BTBD1: variants seen among roughly 807,000 people sequenced by gnomAD.
The protein encoded by BTBD1 is BTB domain containing 1, also known as BTB/POZ domain-containing protein 1.
BTBD1 carries 34 observed loss-of-function variants against 48.0 expected under a neutral mutation model. The observed-to-expected ratio is 0.71, with a 90% CI of 0.54 to 0.94. The LOEUF (loss-of-function observed/expected upper bound fraction) is 0.94. BTBD1 is among the 40% of genes least tolerant of loss of function. The probability of loss-of-function intolerance (pLI) is 0.00; values close to 1 mark genes in which losing one functional copy is unlikely to be tolerated. For missense variants in BTBD1, 543 were observed against 625.6 expected (o/e 0.87, Z 1.41); for synonymous variants, 261 against 242.1 (o/e 1.08, Z -0.72).
intron 5 of BTBD1, chr15:83,024,180 G>A (rs1378985777): frequency 6.6e-6 from 1 of 152,004 alleles, no homozygotes; most frequent in African/African-American, 2.4e-5. Context: ...CTATTTATTT[G>A]ATTATTAATG....
chr15:83,031,316 T>C (rs972372021), intron 4 of BTBD1, among the ~76,000 whole-genome samples: 14 of 152,232 alleles, frequency 9.2e-5, no homozygotes, highest in African/African-American at 2.9e-4. Context: ...GTTGGCTGCA[T>C]AAATGTCTTC....
At chr15:83,041,276 G>A (rs1380597550) in intron 4 of BTBD1, among the ~76,000 whole-genome samples, 2 of 151,806 alleles carry the variant, frequency 1.3e-5, no homozygotes, top group Non-Finnish European at 2.9e-5. Flanking sequence ...AATTTTGAAG[G>A]GCTTAAAATC....
At position 83,030,157 on chromosome 15, in the gene BTBD1, C is replaced by T. The variant is rs1403955530; in HGVS notation, c.1034G>A (p.Ser345Asn). 1 of 1,614,014 alleles carries T rather than the reference C, an allele frequency of 6.2e-7. No homozygotes were observed. The highest frequency in any genetic ancestry group is 8.5e-7 in the Non-Finnish European group (1 of 1,180,028). ...ATACCTGATTCGATCACTCGTCCCA[C>T]TGTAACCCCAGCGGCTTTCTACTTG... ...FQQVESRWGYSGTSDRIRFTV... is the reference protein window; with the variant it reads ...FQQVESRWGYNGTSDRIRFTV... Residue 345 changes from serine (S) to asparagine (N), a missense_variant, in exon 5 of 8, where the codon AGT becomes AAT. This residue lies in a region of BTBD1 where 300 missense variants were observed against 350.0 expected (regional missense o/e 0.86). Transcript: ENST00000261721.
chr15:83,054,407 A>T (rs1362378119), intron 2 of BTBD1, among the ~76,000 whole-genome samples: 3 of 152,154 alleles, frequency 2.0e-5, no homozygotes, highest in Non-Finnish European at 2.9e-5. Context: ...GTGAGGAGTA[A>T]GTGCCATAAT....
At chr15:83,027,829 G>A (rs949971430) in intron 5 of BTBD1, among the ~76,000 whole-genome samples, 12 of 152,194 alleles carry the variant, frequency 7.9e-5, no homozygotes, top group African/African-American at 2.9e-4. Flanking sequence ...TAACACGCCT[G>A]TACTGTGCAG....
chr15:83,062,052 A>T lies in BTBD1; in HGVS notation c.401+4699T>A, dbSNP rs574133755. Among the ~76,000 whole-genome samples, 4 of 152,348 alleles carry T rather than the reference A, an allele frequency of 2.6e-5. No homozygotes were observed. The South Asian group carries it at 6.2e-4, about 24-fold the overall frequency. ...ACAAAGGTAAGGAGGCCTTAGAAGC[A>T]GGCACTAAAACAAGAAAAAGGCCAT... On this transcript the variant is annotated intron_variant, in intron 1 of 7. Coordinates refer to ENST00000261721, the MANE Select transcript of BTBD1 (RefSeq NM_025238.4).
chr15:83,039,646 C>T (rs1184161726), intron 4 of BTBD1, among the ~76,000 whole-genome samples: 2 of 151,582 alleles, frequency 1.3e-5, no homozygotes, highest in South Asian at 2.1e-4. Context: ...TGGTGGCGGG[C>T]GGGCGTATGT....
intron 4 of BTBD1, among the ~76,000 whole-genome samples, chr15:83,032,718 G>A (rs1342338587): frequency 6.6e-6 from 1 of 152,038 alleles, no homozygotes; most frequent in Admixed American, 6.6e-5. Flanking sequence ...AATGAACTTT[G>A]GGGACTTGGG....
Position 83,019,761 on chromosome 15 carries a change from AT to A in BTBD1, c.1144-909del, listed in dbSNP as rs572151026. On this transcript the variant is annotated intron_variant, in intron 6 of 7. Coordinates refer to ENST00000261721, the MANE Select transcript of BTBD1 (RefSeq NM_025238.4). The stretch of plus-strand genomic sequence containing the variant: ...AGGCATGCACCACCATGCCCAGCTA[AT>A]TTTTTTGTATTTTTAGTAGAGACAG... Among the ~76,000 whole-genome samples the A allele has an allele frequency of 4.7e-5, 7 of 150,336 alleles. No homozygotes were observed. The South Asian group carries it at 1.5e-3, about 32-fold the overall frequency.
chr15:83,035,214 A>AC (rs2032601860), intron 4 of BTBD1, among the ~76,000 whole-genome samples: 1 of 152,094 alleles, frequency 6.6e-6, no homozygotes, highest in South Asian at 2.1e-4. Context: ...GAATCGTTGG[A>AC]CCCCAGGAGG....
chr15:83,022,760 G>A (rs765762007), intron 5 of BTBD1, among the ~76,000 whole-genome samples: 43 of 151,898 alleles, frequency 2.8e-4, no homozygotes, highest in Admixed American at 1.4e-3. Context: ...TCAGGGGATC[G>A]AGACCATTCT....
In BTBD1 at chr15:83,067,015, T is replaced by C; in HGVS notation, c.137A>G (p.Tyr46Cys). ...CGACGCCTTGGTCGCCTGCCAGTTG[T>C]AGAGAGGTTCCCGCTGCAGGGGGAG... Reference protein sequence around the residue: ...PLLPLQREPLYNWQATKASLK... With the variant: ...PLLPLQREPLCNWQATKASLK... The change falls in exon 1 of 8, where the codon TAC becomes TGC. Residue 46 changes from tyrosine to cysteine, a missense_variant. This residue lies in a region of BTBD1 where 173 missense variants were observed against 163.9 expected (regional missense o/e 1.06). Transcript: ENST00000261721. The C allele has an allele frequency of 6.3e-7, 1 of 1,584,264 alleles. No individual in the cohort carries two copies.
Position 83,016,429 on chromosome 15 carries a change from T to TTTA in BTBD1, c.*1637_*1638insTAA, listed in dbSNP as rs1555437703. 6.6e-6 allele frequency: 1 copy of TTTA among 150,682 alleles called. No individual in the cohort carries two copies. Among genetic ancestry groups the TTTA allele is most frequent in the Admixed American group, 6.6e-5 (1 of 15,138 alleles). 9.3% of individuals were successfully genotyped at this position (150,682 alleles called of 1,614,324 possible). On this transcript the variant is annotated 3_prime_UTR_variant, in exon 8 of 8. Transcript: ENST00000261721. ...GGCAAATGACATAAAAGAGTTTTTT[T>TTTA]TATATATATATATATTTATTTATTT... is the stretch of plus-strand genomic sequence containing the variant.
intron 1 of BTBD1, among the ~76,000 whole-genome samples, chr15:83,064,355 AAC>A (rs1409098268): frequency 2.6e-5 from 4 of 152,214 alleles, no homozygotes; most frequent in African/African-American, 9.6e-5. Context: ...AGGAAAATAA[AAC>A]ACACTGAAAA....
chr15:83,059,293 C>G (rs1237277375), intron 1 of BTBD1, among the ~76,000 whole-genome samples: 1 of 152,184 alleles, frequency 6.6e-6, no homozygotes, highest in Non-Finnish European at 1.5e-5. Context: ...CGCCTGTAAT[C>G]CCAGCACTTT....
Position 83,017,877 on chromosome 15 carries a change from A to C in BTBD1, c.*190T>G. ...CCAGTTCTTTTCTCTTAAAGTTGTA[A>C]GAAAATGGAAAATCTGTTTTTAAAT... is the stretch of plus-strand genomic sequence containing the variant. On this transcript the variant is annotated 3_prime_UTR_variant, in exon 8 of 8. Transcript: ENST00000261721. The C allele has an allele frequency of 2.7e-6, 1 of 370,416 alleles. No individual in the cohort carries two copies. 22.9% of individuals were successfully genotyped at this position (370,416 alleles called of 1,614,324 possible). A position where few individuals can be genotyped will look rare whatever the true frequency, so the allele number is the denominator to read the frequency against.
In BTBD1 at chr15:83,066,837, G is replaced by T; in HGVS notation, c.315C>A (p.Asp105Glu). 6.9e-7 allele frequency: 1 copy of T among 1,447,544 alleles called. No individual in the cohort carries two copies. The highest frequency in any genetic ancestry group is 9.1e-7 in the Non-Finnish European group (1 of 1,104,504). The allele number at this position is 1,447,544 out of a possible 1,614,324, so 89.7% of individuals were successfully genotyped here. A position where few individuals can be genotyped will look rare whatever the true frequency, so the allele number is the denominator to read the frequency against. ...TGGCCATGCCGCCGTTGAACATGGC[G>T]TCAAAGACGGCGCTGCCGGCCGCCA... ...FVLAAGSAVF[D>E]AMFNGGMATT... Residue 105 changes from aspartate to glutamate, a missense_variant, in exon 1 of 8, where the codon GAC becomes GAA. Transcript: ENST00000261721.
chr15:83,020,192 G>C (rs1020017217), intron 6 of BTBD1: 1 of 152,736 alleles, frequency 6.5e-6, no homozygotes. Context: ...GATTGCTTGA[G>C]CCTGGGTGAT....
At chr15:83,051,877 T>TATACACACACACACACACACACAC (rs1555441191) in intron 2 of BTBD1, among the ~76,000 whole-genome samples, 15 of 138,812 alleles carry the variant, frequency 1.1e-4, no homozygotes, top group Non-Finnish European at 1.8e-4. Context: ...TCCATATATA[T>TATACACACACACACACACACACAC]ACACACACAC....
Sources: gnomAD v4.1 joint callset for allele counts (sites outside exome capture counted in the v4.1 genomes callset) on GRCh38, gnomAD v4.1.1 for gene constraint, gnomAD v4.1.1 regional missense constraint, MANE v1.5 for transcripts, NCBI Gene and HGNC (gene_info 2026-07-23, HGNC 2026-07-21) for gene names.